SLC35F1: variants seen among roughly 807,000 people sequenced by gnomAD.
SLC35F1 encodes chromosome 6 open reading frame 169.
SLC35F1 carries 14 observed loss-of-function variants against 48.7 expected under a neutral mutation model. That is an observed-to-expected ratio of 0.29 (90% CI 0.19 to 0.45). SLC35F1 has a LOEUF of 0.45. Ranked by LOEUF, SLC35F1 falls within the 20% of genes least tolerant of loss-of-function variation. SLC35F1 has a pLI of 1.00. For missense variants in SLC35F1, 404 were observed against 500.0 expected (o/e 0.81, Z 1.83); for synonymous variants, 190 against 202.2 (o/e 0.94, Z 0.51).
intron 1 of SLC35F1, chr6:117,999,182 G>A (rs1777047589): frequency 1.1e-5 from 18 of 1,595,318 alleles, no homozygotes; most frequent in South Asian, 8.8e-5. Flanking sequence ...TGCACGTGCC[G>A]AGGCTATCAA....
In SLC35F1 at chr6:118,314,141, T is replaced by A; in HGVS notation, c.1116T>A (p.Asn372Lys). ...CCCGAGTGTATAAGCAGTTCCGCAATCCTTCAGGACCTGTTGTGGACTTAC... is the reference window on the plus strand; with the variant it reads ...CCCGAGTGTATAAGCAGTTCCGCAAACCTTCAGGACCTGTTGTGGACTTAC... ...QDPRVYKQFR[N>K]PSGPVVDLPT... The change falls in exon 8 of 8, where the codon AAT becomes AAA. Residue 372 changes from asparagine (N) to lysine (K), a missense_variant. By Grantham distance (94) the Asn-to-Lys change is moderately conservative. Around this residue, in one of 2 missense-constraint regions of SLC35F1, gnomAD observed 306 missense variants for 419.1 expected, o/e 0.73. Transcript: ENST00000360388. 1 of 1,614,170 alleles carries A rather than the reference T, an allele frequency of 6.2e-7. No individual in the cohort carries two copies. The highest frequency in any genetic ancestry group is 8.5e-7 in the Non-Finnish European group (1 of 1,180,020).
chr6:117,928,414 G>A (rs1191431345), intron 1 of SLC35F1, among the ~76,000 whole-genome samples: 1 of 151,938 alleles, frequency 6.6e-6, no homozygotes, highest in African/African-American at 2.4e-5. Flanking sequence ...CTTAGGGAAG[G>A]GCCAATTAGT....
chr6:118,195,437 A>T (rs1490584085), intron 2 of SLC35F1, among the ~76,000 whole-genome samples: 1 of 152,140 alleles, frequency 6.6e-6, no homozygotes, highest in Non-Finnish European at 1.5e-5. Flanking sequence ...TTTTTCAGCA[A>T]TTCAGGATCC....
chr6:117,993,074 A>G (rs1460480401), intron 1 of SLC35F1, among the ~76,000 whole-genome samples: 1 of 152,214 alleles, frequency 6.6e-6, no homozygotes, highest in East Asian at 1.9e-4. Flanking sequence ...CTGCTCAGTC[A>G]GCCTCAGAAG....
At chr6:118,106,350 A>G (rs1421204119) in intron 1 of SLC35F1, among the ~76,000 whole-genome samples, 3 of 152,142 alleles carry the variant, frequency 2.0e-5, no homozygotes, top group African/African-American at 7.2e-5. Context: ...TTCTCTCCCC[A>G]TGTCCATCCA....
chr6:118,066,468 A>AATG (rs1772615113), intron 1 of SLC35F1, among the ~76,000 whole-genome samples: 2 of 152,138 alleles, frequency 1.3e-5, no homozygotes, highest in Admixed American at 1.3e-4. Context: ...CAACAACCTA[A>AATG]ATGAGCTTGG....
At chr6:117,959,916 G>T (rs1483303535) in intron 1 of SLC35F1, among the ~76,000 whole-genome samples, 1 of 152,090 alleles carries the variant, frequency 6.6e-6, no homozygotes, top group African/African-American at 2.4e-5. Flanking sequence ...GAGGAAAACT[G>T]AAGTCATGAG....
At chr6:118,008,234 T>C (rs1777200479) in intron 1 of SLC35F1, among the ~76,000 whole-genome samples, 1 of 151,578 alleles carries the variant, frequency 6.6e-6, no homozygotes, top group African/African-American at 2.4e-5. Flanking sequence ...TATGTACAAC[T>C]GTTATATACC....
chr6:118,228,798 G>T (rs1775251737), intron 2 of SLC35F1, among the ~76,000 whole-genome samples: 2 of 152,080 alleles, frequency 1.3e-5, no homozygotes, highest in South Asian at 4.1e-4. Flanking sequence ...GTTTATTCAA[G>T]TAAGGATCTT....
At chr6:118,045,864 A>G (rs1040349752) in intron 1 of SLC35F1, among the ~76,000 whole-genome samples, 1 of 152,172 alleles carries the variant, frequency 6.6e-6, no homozygotes, top group Non-Finnish European at 1.5e-5. Flanking sequence ...ACATTGTTAC[A>G]TTTACTCCTT....
intron 1 of SLC35F1, among the ~76,000 whole-genome samples, chr6:118,097,711 C>T (rs370143894): frequency 1.2e-4 from 18 of 152,326 alleles, no homozygotes; most frequent in African/African-American, 4.1e-4. Flanking sequence ...CCAGCCGCAA[C>T]AGCTGATAAT....
intron 2 of SLC35F1, among the ~76,000 whole-genome samples, chr6:118,156,452 C>T (rs1774142741): frequency 6.6e-6 from 1 of 151,942 alleles, no homozygotes; most frequent in South Asian, 2.1e-4. Flanking sequence ...CATGTTCTCA[C>T]TCATAGGTGG....
At chr6:118,099,693 T>C (rs1773229808) in intron 1 of SLC35F1, among the ~76,000 whole-genome samples, 2 of 152,114 alleles carry the variant, frequency 1.3e-5, no homozygotes, top group South Asian at 4.1e-4. Context: ...ATATTCCAGG[T>C]AAGACATGAA....
At chr6:118,224,059 G>C (rs949454452) in intron 2 of SLC35F1, among the ~76,000 whole-genome samples, 1 of 152,084 alleles carries the variant, frequency 6.6e-6, no homozygotes, top group Non-Finnish European at 1.5e-5. Flanking sequence ...TCACAAAATG[G>C]GATTAAGGAA....
intron 1 of SLC35F1, among the ~76,000 whole-genome samples, chr6:118,123,366 C>T (rs761534739): frequency 2.0e-5 from 3 of 151,930 alleles, no homozygotes; most frequent in Non-Finnish European, 4.4e-5. Context: ...AATTGATCAT[C>T]CAAGGTAATA....
At chr6:117,966,131 G>GGCCCCCCCCCCCCCC in intron 1 of SLC35F1, among the ~76,000 whole-genome samples, 1 of 101,168 alleles carries the variant, frequency 9.9e-6, no homozygotes, top group African/African-American at 4.2e-5. Flanking sequence ...GCAGGCCACC[G>GGCCCCCCCCCCCCCC]CCCCCCCCCC....
intron 1 of SLC35F1, among the ~76,000 whole-genome samples, chr6:118,112,106 CTTTT>C (rs1773414772): frequency 1.2e-5 from 1 of 86,188 alleles, no homozygotes; most frequent in Admixed American, 1.7e-4. Context: ...CTTTTCTTTT[CTTTT>C]CTTTTCTTTT....
chr6:118,027,404 C>A (rs905531274), intron 1 of SLC35F1, among the ~76,000 whole-genome samples: 3 of 152,140 alleles, frequency 2.0e-5, no homozygotes, highest in Non-Finnish European at 2.9e-5. Flanking sequence ...TGTATTCTCA[C>A]CAGCAGTGTA....
At chr6:117,972,790 A>G (rs1776659837) in intron 1 of SLC35F1, among the ~76,000 whole-genome samples, 1 of 152,130 alleles carries the variant, frequency 6.6e-6, no homozygotes, top group Non-Finnish European at 1.5e-5. Flanking sequence ...ACAATTCAAG[A>G]TGAAGTTTGG....
Sources: gnomAD v4.1 joint callset for allele counts (sites outside exome capture counted in the v4.1 genomes callset) on GRCh38, gnomAD v4.1.1 for gene constraint, gnomAD v4.1.1 regional missense constraint, MANE v1.5 for transcripts, NCBI Gene and HGNC (gene_info 2026-07-23, HGNC 2026-07-21) for gene names.